Variants in RBM39 observed in about 807,000 individuals in gnomAD.
RBM39 encodes the protein RNA binding motif protein 39, also known as RNA-binding protein 39.
RBM39 carries 12 observed loss-of-function variants against 79.6 expected under a neutral mutation model. The observed-to-expected ratio is 0.15, with a 90% CI of 0.10 to 0.24. RBM39 has a LOEUF of 0.24. Ranked by LOEUF, RBM39 falls within the 10% of genes least tolerant of loss-of-function variation. RBM39 has a pLI of 1.00. For synonymous variants in RBM39, 185 were observed against 208.4 expected (o/e 0.89, Z 0.97); for missense variants, 243 against 653.4 (o/e 0.37, Z 6.85).
chr20:35,741,147 A>C (rs1314670593), intron 1 of RBM39, among the ~76,000 whole-genome samples: 1 of 143,098 alleles, frequency 7.0e-6, no homozygotes, highest in Non-Finnish European at 1.5e-5. Context: ...CGATCCTACC[A>C]CCTCACCTCC....
intron 3 of RBM39, 132 bp from the exon 4 acceptor site, chr20:35,732,267 A>T: frequency 1.3e-6 from 1 of 741,478 alleles, no homozygotes; most frequent in South Asian, 1.7e-5. Flanking sequence ...ATACAATGGT[A>T]CATAATCATA....
At chr20:35,722,458 C>CTT (rs72430622) in intron 8 of RBM39, among the ~76,000 whole-genome samples, 48 of 116,420 alleles carry the variant, frequency 4.1e-4, no homozygotes, top group African/African-American at 5.3e-4. Flanking sequence ...TATTTAGAGG[C>CTT]TTTTTTTTTT....
chr20:35,724,710 T>G lies in RBM39; in HGVS notation c.547A>C (p.Arg183=). The G allele has an allele frequency of 6.2e-7, 1 of 1,614,056 alleles. No homozygotes were observed. Among genetic ancestry groups the G allele is most frequent in the East Asian group, 2.2e-5 (1 of 44,884 alleles). ...CTTGAATTTCTGTCAGAAATCATCC[T>G]CACATCTCGAACCTAGAAAGAAAAC... The part of the protein sequence containing the change: ...FSTVGKVRDV[R]MISDRNSRRS... The change falls in exon 8 of 17, where the codon AGG becomes CGG. Residue 183 remains arginine (R), a synonymous_variant. Transcript: ENST00000253363.
rs144305256 is a variant in RBM39 at position 35,728,868 on chromosome 20, C to T, written c.416+444G>A. ...CAAGGTGGGTGGACCATCTGAGGTC[C>T]GGAGCTCAACACTAGGCTAGCCAAC... On this transcript the variant is annotated intron_variant, in intron 6 of 16. Coordinates refer to ENST00000253363, the MANE Select transcript of RBM39 (RefSeq NM_184234.3). 2.2e-4 allele frequency among the ~76,000 whole-genome samples: 34 copies of T among 151,596 alleles called. 1 individual carries two copies. The highest frequency in any genetic ancestry group is 7.7e-4 in the African/African-American group (32 of 41,348).
rs370414635 is a variant in RBM39, at chr20:35,709,217, A to C, written c.1225+7T>G. 6.2e-7 allele frequency: 1 copy of C among 1,601,958 alleles called. No homozygotes were observed. Among genetic ancestry groups the C allele is most frequent in the African/African-American group, 1.3e-5 (1 of 74,588 alleles). On this transcript the variant is annotated splice_region_variant and intron_variant, in intron 13 of 16. Coordinates refer to ENST00000253363, the MANE Select transcript of RBM39 (RefSeq NM_184234.3). ...CAAAAATAAAAAATATGAACACTTC[A>C]ACTCACCTTCAGTCTGCTGGGAAAG...
At chr20:35,706,382 G>A (rs996357490) in intron 14 of RBM39, among the ~76,000 whole-genome samples, 7 of 152,082 alleles carry the variant, frequency 4.6e-5, no homozygotes, top group African/African-American at 1.7e-4. Flanking sequence ...TACTTACAAC[G>A]AAAGTTTATC....
intron 9 of RBM39, among the ~76,000 whole-genome samples, chr20:35,717,297 CAAA>C (rs76113078): frequency 8.5e-6 from 1 of 117,048 alleles, no homozygotes; most frequent in South Asian, 2.7e-4. Context: ...AAAACAAAAA[CAAA>C]AAAAAAAAAC....
chr20:35,711,176 C>T (rs1295843722), intron 12 of RBM39, among the ~76,000 whole-genome samples: 1 of 152,132 alleles, frequency 6.6e-6, no homozygotes, highest in Non-Finnish European at 1.5e-5. Flanking sequence ...TATCAATTCC[C>T]TGAAGGCAGG....
At chr20:35,736,485 T>C (rs2039919430) in intron 3 of RBM39, 2 of 420,812 alleles carry the variant, frequency 4.8e-6, no homozygotes, top group Non-Finnish European at 9.8e-6. Flanking sequence ...TATTTTCTCA[T>C]CTGTTTTATG....
At chr20:35,736,527 G>C (rs532461902) in intron 3 of RBM39, 6 of 469,380 alleles carry the variant, frequency 1.3e-5, no homozygotes, top group Non-Finnish European at 1.8e-5. Flanking sequence ...CACAGTTGTA[G>C]TGAGAAAGAC....
chr20:35,738,282 A>G (rs2146744345), intron 3 of RBM39, among the ~76,000 whole-genome samples: 1 of 152,336 alleles, frequency 6.6e-6, no homozygotes, highest in South Asian at 2.1e-4. Context: ...GAAAAGAAAA[A>G]AAAAAAGTGG....
intron 12 of RBM39, 79 bp downstream of exon 12, chr20:35,712,939 TC>T: frequency 9.1e-7 from 1 of 1,103,970 alleles, no homozygotes; most frequent in Non-Finnish European, 1.3e-6. Flanking sequence ...TCTCAGTAAG[TC>T]CTTTTAAATG....
At chr20:35,738,842 T>C in intron 3 of RBM39, 126 bp downstream of exon 3, 1 of 852,050 alleles carries the variant, frequency 1.2e-6, no homozygotes, top group Non-Finnish European at 1.8e-6. Context: ...AGAACCAATT[T>C]TCTAAAAGCA....
At chr20:35,723,265 T>G (rs2038225955) in intron 8 of RBM39, among the ~76,000 whole-genome samples, 1 of 151,698 alleles carries the variant, frequency 6.6e-6, no homozygotes, top group South Asian at 2.1e-4. Context: ...TCCATTTGCA[T>G]TCTAACACAG....
rs1471439816 is a variant in RBM39, at chr20:35,741,766, GA to G, written c.-14+174del. On this transcript the variant is annotated intron_variant, in intron 1 of 16. Transcript: ENST00000253363. ...CTCTCGGGGGTCCCTACCGCCCCAA[GA>G]ATCCAGACTATACCCGACTGGAAAA... 4 of 151,348 alleles carry G rather than the reference GA, an allele frequency of 2.6e-5. No homozygotes were observed. The East Asian group carries it at 7.9e-4, about 30-fold the overall frequency. 9.4% of individuals were successfully genotyped at this position (151,348 alleles called of 1,614,324 possible).
At chr20:35,729,186 TG>T (rs1287996517) in intron 6 of RBM39, 125 bp downstream of exon 6, 1 of 703,824 alleles carries the variant, frequency 1.4e-6, no homozygotes, top group Non-Finnish European at 2.2e-6. Flanking sequence ...CTTAAAGTAC[TG>T]GAAGTGCAAA....
chr20:35,712,146 A>C (rs1177336239), intron 12 of RBM39, among the ~76,000 whole-genome samples: 1 of 152,058 alleles, frequency 6.6e-6, no homozygotes, highest in Non-Finnish European at 1.5e-5. Flanking sequence ...TATCTCCCAG[A>C]TTTGGGTCAA....
chr20:35,739,954 ACTG>A (rs551611743), intron 2 of RBM39: 90 of 159,064 alleles, frequency 5.7e-4, no homozygotes, highest in African/African-American at 1.8e-3. Flanking sequence ...ATGCATGCAT[ACTG>A]CTATTTTCAC....
chr20:35,709,965 A>C (rs2036194558), intron 12 of RBM39, among the ~76,000 whole-genome samples: 1 of 152,096 alleles, frequency 6.6e-6, no homozygotes, highest in South Asian at 2.1e-4. Context: ...GAAAACATCT[A>C]ATCAGTATTA....
Sources: gnomAD v4.1 joint callset for allele counts (sites outside exome capture counted in the v4.1 genomes callset) on GRCh38, gnomAD v4.1.1 for gene constraint, MANE v1.5 for transcripts, NCBI Gene and HGNC (gene_info 2026-07-23, HGNC 2026-07-21) for gene names.